Variants in HMGCLL1 observed in about 807,000 individuals in gnomAD.
HMGCLL1 encodes the protein 3-hydroxymethyl-3-methylglutaryl-CoA lyase, cytoplasmic.
A neutral mutation model predicts 39.1 loss-of-function variants in HMGCLL1; 36 were observed. The ratio of observed to expected loss-of-function variants is 0.92; its 90% CI spans 0.71 to 1.22. The LOEUF is 1.22. Among genes scored for constraint, HMGCLL1 ranks in the 50% most tolerant of loss-of-function variants. HMGCLL1 has a pLI of 0.00. For missense variants in HMGCLL1, 451 were observed against 416.5 expected, an observed-to-expected ratio of 1.08 and a Z score of -0.72; for synonymous variants, 149 against 144.0, an observed-to-expected ratio of 1.03 and a Z score of -0.25.
the HMGCLL1 span, among the ~76,000 whole-genome samples, chr6:55,616,494 C>A: frequency 4.6e-5 from 7 of 152,210 alleles, no homozygotes; most frequent in East Asian, 1.2e-3. Flanking sequence ...TCAGACTCCA[C>A]CTGAACCATC....
At chr6:55,636,861 A>C in the HMGCLL1 span, among the ~76,000 whole-genome samples, 20 of 152,168 alleles carry the variant, frequency 1.3e-4, 1 homozygote, top group Admixed American at 1.3e-3. Context: ...TGGTATCATT[A>C]TTCACTTCTG....
rs533987959 is a variant in HMGCLL1 at position 55,477,406 on chromosome 6, TA to T, written c.795+18012del. Among the ~76,000 whole-genome samples, 146 of 26,296 alleles carry T rather than the reference TA, an allele frequency of 5.6e-3. 12 individuals are homozygous for T. Among genetic ancestry groups the T allele is most frequent in the African/African-American group, 0.045 (112 of 2,498 alleles). The allele number at this position is 26,296 out of a possible 152,430, so 17.3% of individuals were successfully genotyped here. On this transcript the variant is annotated intron_variant, in intron 7 of 8. Transcript: ENST00000274901. ...TTATCTAAATATAATATATATTATC[TA>T]AATATATATTATCTTAATATATATT...
chr6:55,440,271 G>A (rs1242029004), intron 7 of HMGCLL1, among the ~76,000 whole-genome samples: 1 of 152,094 alleles, frequency 6.6e-6, no homozygotes, highest in East Asian at 1.9e-4. Context: ...AGATACTCTT[G>A]TATCATCCCC....
intron 1 of HMGCLL1, chr6:55,563,874 A>G (rs773690986): frequency 7.8e-7 from 1 of 1,288,102 alleles, no homozygotes; most frequent in South Asian, 1.2e-5. Context: ...GGGCTTCCTG[A>G]GAGGTCCATG....
At chr6:55,652,065 C>T in the HMGCLL1 span, among the ~76,000 whole-genome samples, 2 of 151,940 alleles carry the variant, frequency 1.3e-5, no homozygotes, top group African/African-American at 2.4e-5. Flanking sequence ...TGATTTTTCG[C>T]CTGATTTTTT....
chr6:55,627,392 G>T, the HMGCLL1 span, among the ~76,000 whole-genome samples: 1 of 151,956 alleles, frequency 6.6e-6, no homozygotes, highest in Non-Finnish European at 1.5e-5. Context: ...TTGTACGGAG[G>T]ATAGTTGTAT....
At chr6:55,614,289 G>T in the HMGCLL1 span, among the ~76,000 whole-genome samples, 4 of 152,080 alleles carry the variant, frequency 2.6e-5, no homozygotes, top group African/African-American at 9.7e-5. Flanking sequence ...GAGCCCTAAT[G>T]ATGGTATTAG....
At chr6:55,487,985 C>A (rs74916287) in intron 7 of HMGCLL1, among the ~76,000 whole-genome samples, 4,585 of 152,066 alleles carry the variant, frequency 0.03, 96 homozygotes, top group Middle Eastern at 0.088. Flanking sequence ...TGCATCCTTC[C>A]TAATACTAGA....
chr6:55,627,049 G>GAA, the HMGCLL1 span, among the ~76,000 whole-genome samples: 5,496 of 85,762 alleles, frequency 0.064, 357 homozygotes, highest in East Asian at 0.14. Context: ...CACTCCACCA[G>GAA]AAAAAAAAAA....
the HMGCLL1 span, among the ~76,000 whole-genome samples, chr6:55,602,055 C>CT: frequency 4.8e-3 from 726 of 151,972 alleles, 8 homozygotes; most frequent in African/African-American, 0.017. Flanking sequence ...TAAAATGCCC[C>CT]GTTATCTCTC....
the HMGCLL1 span, among the ~76,000 whole-genome samples, chr6:55,667,050 G>T: frequency 6.6e-6 from 1 of 151,216 alleles, no homozygotes; most frequent in African/African-American, 2.4e-5. Context: ...GAAGAGCATT[G>T]TATCTTGTGT....
intron 7 of HMGCLL1, among the ~76,000 whole-genome samples, chr6:55,461,401 A>T (rs1764559284): frequency 6.6e-6 from 1 of 151,994 alleles, no homozygotes; most frequent in African/African-American, 2.4e-5. Context: ...TACTATGTCC[A>T]CCAAATACTA....
chr6:55,551,559 G>T (rs1316723016), intron 1 of HMGCLL1, among the ~76,000 whole-genome samples: 1 of 151,840 alleles, frequency 6.6e-6, no homozygotes. Flanking sequence ...GGGAGGAGAA[G>T]AAGAAAGCAT....
the HMGCLL1 span, among the ~76,000 whole-genome samples, chr6:55,586,975 A>T: frequency 6.6e-6 from 1 of 152,044 alleles, no homozygotes; most frequent in South Asian, 2.1e-4. Flanking sequence ...CGCCACACTG[A>T]CTTCCACAAT....
the HMGCLL1 span, among the ~76,000 whole-genome samples, chr6:55,628,187 T>TAA: frequency 3.6e-5 from 3 of 82,754 alleles, no homozygotes; most frequent in Non-Finnish European, 2.3e-5. Flanking sequence ...ATATATATAA[T>TAA]ATATATATAT....
chr6:55,470,938 C>T (rs148359252), intron 7 of HMGCLL1, among the ~76,000 whole-genome samples: 1 of 151,834 alleles, frequency 6.6e-6, no homozygotes, highest in Non-Finnish European at 1.5e-5. Flanking sequence ...GATCAAATCA[C>T]CTCCTACCAG....
At chr6:55,544,956 C>T (rs892085619) in intron 1 of HMGCLL1, among the ~76,000 whole-genome samples, 1 of 151,992 alleles carries the variant, frequency 6.6e-6, no homozygotes, top group Admixed American at 6.6e-5. Context: ...GCCTGATTTA[C>T]AAGATGCCTA....
chr6:55,610,625 AG>A, the HMGCLL1 span, among the ~76,000 whole-genome samples: 1 of 152,200 alleles, frequency 6.6e-6, no homozygotes, highest in African/African-American at 2.4e-5. Context: ...GATATCATTC[AG>A]GAGAACTTCC....
the HMGCLL1 span, among the ~76,000 whole-genome samples, chr6:55,619,513 T>C: frequency 2.6e-5 from 4 of 152,148 alleles, no homozygotes; most frequent in Middle Eastern, 3.4e-3. Flanking sequence ...ATTTGGTTCT[T>C]CAACAAACCA....
Sources: allele counts gnomAD v4.1 joint callset (sites outside exome capture counted in the v4.1 genomes callset), GRCh38; gene constraint gnomAD v4.1.1; transcripts MANE v1.5; gene names NCBI Gene and HGNC (gene_info 2026-07-23, HGNC 2026-07-21).